The following NUP35 variants were observed in gnomAD, a reference collection of about 807,000 sequenced individuals.
NUP35 encodes nucleoporin NUP35.
A neutral mutation model predicts 41.5 loss-of-function variants in NUP35; 25 were observed. The observed-to-expected ratio is 0.60, with a 90% CI of 0.44 to 0.84. The LOEUF (loss-of-function observed/expected upper bound fraction) is 0.84, where lower values mean the gene tolerates loss of function less well. NUP35 is among the 40% of genes least tolerant of loss of function. NUP35 has a pLI of 0.00. For synonymous variants in NUP35, 149 were observed against 130.7 expected, an observed-to-expected ratio of 1.14 and a Z score of -0.96; for missense variants, 396 against 396.6, an observed-to-expected ratio of 1.00 and a Z score of 0.01.
chr2:183,131,626 C>T (rs1481975115), intron 3 of NUP35, among the ~76,000 whole-genome samples: 1 of 152,112 alleles, frequency 6.6e-6, no homozygotes, highest in African/African-American at 2.4e-5. Flanking sequence ...CTAAGTGTGG[C>T]TATTGATACT....
intron 5 of NUP35, among the ~76,000 whole-genome samples, chr2:183,155,307 A>G (rs1433000320): frequency 2.6e-5 from 4 of 152,256 alleles, no homozygotes; most frequent in Non-Finnish European, 4.4e-5. Flanking sequence ...TTCAAAAGGT[A>G]TGTAAGAATG....
intron 4 of NUP35, among the ~76,000 whole-genome samples, chr2:183,142,412 T>C (rs1457697610): frequency 1.3e-5 from 2 of 152,176 alleles, no homozygotes; most frequent in African/African-American, 2.4e-5. Context: ...TTTATATCTG[T>C]ATGCTACTTT....
At chr2:183,133,662 CAG>C in intron 4 of NUP35, 39 bp downstream of exon 4, 2 of 1,433,388 alleles carry the variant, frequency 1.4e-6, no homozygotes. Context: ...TTTTAAAAGA[CAG>C]GGTCTGGCTC....
At position 183,137,887 on chromosome 2, in the gene NUP35, G is replaced by A. The variant is rs559192201; in HGVS notation, c.397+4264G>A. Among the ~76,000 whole-genome samples the A allele has an allele frequency of 7.9e-5, 12 of 151,694 alleles. No homozygotes were observed. The South Asian group carries it at 2.3e-3, about 29-fold the overall frequency. On this transcript the variant is annotated intron_variant, in intron 4 of 8. Transcript: ENST00000295119. ...AAGCATACATTTTAATTTTCCTACC[G>A]TTGTCAAGTAGAAAAGCGCATGATT...
intron 4 of NUP35, among the ~76,000 whole-genome samples, chr2:183,138,790 C>T (rs112270059): frequency 1.3e-5 from 2 of 151,610 alleles, no homozygotes; most frequent in African/African-American, 4.9e-5. Context: ...TAACTAGAAT[C>T]ATTTGTGTTA....
At chr2:183,144,837 A>G (rs772581345) in intron 4 of NUP35, among the ~76,000 whole-genome samples, 6 of 152,232 alleles carry the variant, frequency 3.9e-5, no homozygotes, top group Admixed American at 6.5e-5. Flanking sequence ...TAGATTATGT[A>G]TAAGTAATTA....
At chr2:183,156,730 C>T (rs1265415459) in intron 5 of NUP35, among the ~76,000 whole-genome samples, 1 of 151,468 alleles carries the variant, frequency 6.6e-6, no homozygotes, top group Non-Finnish European at 1.5e-5. Flanking sequence ...ATTCAGTCTT[C>T]AGATAACTGA....
chr2:183,135,893 A>G (rs1366915128), intron 4 of NUP35, among the ~76,000 whole-genome samples: 1 of 152,070 alleles, frequency 6.6e-6, no homozygotes, highest in Non-Finnish European at 1.5e-5. Flanking sequence ...TTTAAAAAAA[A>G]AAGCACGCAA....
At chr2:183,133,765 A>G in intron 4 of NUP35, 142 bp downstream of exon 4, 1 of 541,328 alleles carries the variant, frequency 1.8e-6, no homozygotes, top group South Asian at 4.8e-5. Flanking sequence ...ATTTAATATA[A>G]AATGTTTGTT....
chr2:183,138,611 ATG>A (rs1684976544), intron 4 of NUP35, among the ~76,000 whole-genome samples: 1 of 152,086 alleles, frequency 6.6e-6, no homozygotes, highest in Non-Finnish European at 1.5e-5. Context: ...AGAACATTGA[ATG>A]TGTTTTTTCT....
upstream of NUP35, among the ~76,000 whole-genome samples, chr2:183,120,543 A>G (rs958571277): frequency 6.6e-6 from 1 of 152,058 alleles, no homozygotes; most frequent in Admixed American, 6.6e-5. Context: ...CTGCAATTGT[A>G]TAGGAATTGA....
chr2:183,160,888 C>G, intron 8 of NUP35, 166 bp from the exon 9 acceptor site: 2 of 488,868 alleles, frequency 4.1e-6, no homozygotes, highest in Non-Finnish European at 7.6e-6. Context: ...CGAGACCATC[C>G]TGGCTAACAC....
intron 4 of NUP35, among the ~76,000 whole-genome samples, chr2:183,150,554 T>G (rs1685435452): frequency 6.6e-6 from 1 of 152,208 alleles, no homozygotes. Context: ...AGTGAAATCC[T>G]TTTTCATTTA....
At chr2:183,124,575 G>A (rs1397036514) in intron 1 of NUP35, 78 bp downstream of exon 1, 3 of 1,568,072 alleles carry the variant, frequency 1.9e-6, no homozygotes, top group Non-Finnish European at 2.6e-6. Context: ...CTGAAAGGCA[G>A]TCGTCAGGCT....
chr2:183,147,515 G>A (rs1001573374), intron 4 of NUP35, among the ~76,000 whole-genome samples: 1 of 152,012 alleles, frequency 6.6e-6, no homozygotes, highest in Non-Finnish European at 1.5e-5. Flanking sequence ...CTTTGTTTCT[G>A]GGTTCTCCAT....
upstream of NUP35, among the ~76,000 whole-genome samples, chr2:183,119,591 T>C (rs1281872314): frequency 6.6e-6 from 1 of 152,090 alleles, no homozygotes; most frequent in African/African-American, 2.4e-5. Flanking sequence ...TGTGAAGAGC[T>C]GTTCACAAGA....
At chr2:183,142,965 G>A (rs1159378558) in intron 4 of NUP35, among the ~76,000 whole-genome samples, 5 of 151,688 alleles carry the variant, frequency 3.3e-5, no homozygotes, top group Non-Finnish European at 5.9e-5. Flanking sequence ...GACCGTCCTA[G>A]CTAACAAGGT....
upstream of NUP35, among the ~76,000 whole-genome samples, chr2:183,123,082 C>A (rs183225421): frequency 1.3e-5 from 2 of 152,174 alleles, no homozygotes; most frequent in Admixed American, 6.6e-5. Flanking sequence ...TTTGAAAAAG[C>A]AGGAAGGTGG....
chr2:183,119,041 C>T (rs1349243224), intron 1 of NUP35: 1 of 152,224 alleles, frequency 6.6e-6, no homozygotes, highest in Non-Finnish European at 1.5e-5. Context: ...ACCAGTTAAA[C>T]TCCTCCATTT....
Sources: allele counts gnomAD v4.1 joint callset (sites outside exome capture counted in the v4.1 genomes callset), GRCh38; gene constraint gnomAD v4.1.1; transcripts MANE v1.5; gene names NCBI Gene and HGNC (gene_info 2026-07-23, HGNC 2026-07-21).